Variants in GRIN2D observed in about 807,000 individuals in gnomAD.
GRIN2D encodes glutamate ionotropic receptor NMDA type subunit 2D.
A neutral mutation model predicts 103.2 loss-of-function variants in GRIN2D; 37 were observed. That is an observed-to-expected ratio of 0.36 (90% CI 0.28 to 0.47). The LOEUF (loss-of-function observed/expected upper bound fraction) is 0.47, where lower values mean the gene tolerates loss of function less well. Among genes scored for constraint, GRIN2D ranks in the 20% least tolerant of loss-of-function variants. The probability of loss-of-function intolerance (pLI) is 1.00; values close to 1 mark genes in which losing one functional copy is unlikely to be tolerated. For missense variants in GRIN2D, 1,557 were observed against 1,910.6 expected (o/e 0.81, Z 3.45); for synonymous variants, 845 against 885.6 (o/e 0.95, Z 0.81).
chr19:48,422,401 A>G (rs1971035799), intron 11 of GRIN2D, among the ~76,000 whole-genome samples: 1 of 152,162 alleles, frequency 6.6e-6, no homozygotes. Flanking sequence ...TCACAAGGTC[A>G]GGAGATCGAG....
Position 48,435,793 on chromosome 19 carries a change from C to G in GRIN2D, c.2253-5976C>G, listed in dbSNP as rs142482741. Among the ~76,000 whole-genome samples, 696 of 152,358 alleles carry G rather than the reference C, an allele frequency of 4.6e-3. 9 individuals are homozygous for G. The highest frequency in any genetic ancestry group is 0.016 in the African/African-American group (671 of 41,592). On this transcript the variant is annotated intron_variant, in intron 11 of 13. Transcript: ENST00000263269. Reference sequence around the variant, plus strand: ...CACCTAGTGTGTGCTAGGCACTGTTCTAGACCCTGTGGATACAGTGGTGAA... The same window carrying G: ...CACCTAGTGTGTGCTAGGCACTGTTGTAGACCCTGTGGATACAGTGGTGAA...
chr19:48,442,631 C>T lies in GRIN2D; in HGVS notation c.2705C>T (p.Ala902Val). ...GMYSCCSAEA[A>V]PPPAKPPPPP... is the part of the protein sequence containing the mutation. ...TACAGCTGCTGCAGCGCTGAGGCCGCCCCACCGCCCGCCAAGCCCCCGCCG... is the reference window on the plus strand; with the variant it reads ...TACAGCTGCTGCAGCGCTGAGGCCGTCCCACCGCCCGCCAAGCCCCCGCCG... The change falls in exon 14 of 14, where the codon GCC (alanine) becomes GTC (valine). Residue 902 changes from alanine to valine, a missense_variant. This residue lies in a region of GRIN2D where 632 missense variants were observed against 572.8 expected (regional missense o/e 1.10). Coordinates refer to ENST00000263269, the MANE Select transcript of GRIN2D (RefSeq NM_000836.4). The surrounding 1 kb of genome is among the most constrained non-coding windows in gnomAD (Gnocchi z 7.2). The T allele has an allele frequency of 2.7e-6, 4 of 1,494,510 alleles. No individual in the cohort carries two copies. The highest frequency in any genetic ancestry group is 3.6e-6 in the Non-Finnish European group (4 of 1,123,496). 92.6% of individuals were successfully genotyped at this position (1,494,510 alleles called of 1,614,324 possible). A position where few individuals can be genotyped will look rare whatever the true frequency, so the allele number is the denominator to read the frequency against.
rs771302827 is a variant in GRIN2D at position 48,405,186 on chromosome 19, A to G, written c.918A>G (p.Ala306=). 3 of 1,600,332 alleles carry G rather than the reference A, an allele frequency of 1.9e-6. No homozygotes were observed. Among genetic ancestry groups the G allele is most frequent in the African/African-American group, 1.3e-5 (1 of 74,882 alleles). The part of the protein sequence containing the change: ...GGAPLPAGLF[A]VRSAGWRDDL... Reference sequence around the variant, plus strand: ...CCCCCCTGCCTGCCGGGCTGTTTGCAGTGCGCTCGGCTGGCTGGCGGGATG... The same window carrying G: ...CCCCCCTGCCTGCCGGGCTGTTTGCGGTGCGCTCGGCTGGCTGGCGGGATG... The change falls in exon 4 of 14, where the codon GCA becomes GCG. Residue 306 remains alanine (A), a synonymous_variant. Transcript: ENST00000263269. This position sits in a 1 kb window ranked among gnomAD's most constrained non-coding sequence, Gnocchi z 5.1.
chr19:48,443,615 G>A lies in GRIN2D; in HGVS notation c.3689G>A (p.Arg1230Gln). 1 of 1,095,208 alleles carries A rather than the reference G, an allele frequency of 9.1e-7. No individual in the cohort carries two copies. Among genetic ancestry groups the A allele is most frequent in the Non-Finnish European group, 1.1e-6 (1 of 903,502 alleles). The allele number at this position is 1,095,208 out of a possible 1,614,324, so 67.8% of individuals were successfully genotyped here. A position where few individuals can be genotyped will look rare whatever the true frequency, so the allele number is the denominator to read the frequency against. ...CGCCGGGCCCGCTGCGGGTGCCCGC[G>A]GTCGCACCCGCACCGCCCGCGGGCC... ...PRRRARCGCP[R>Q]SHPHRPRASH... The change falls in exon 14 of 14, where the codon CGG becomes CAG. Residue 1230 changes from arginine (R) to glutamine (Q), a missense_variant. Around this residue, in one of 7 missense-constraint regions of GRIN2D, gnomAD observed 632 missense variants for 572.8 expected, o/e 1.10. Transcript: ENST00000263269. The surrounding 1 kb of genome is among the most constrained non-coding windows in gnomAD (Gnocchi z 8.9).
chr19:48,433,685 A>G (rs80038044), intron 11 of GRIN2D, among the ~76,000 whole-genome samples: 2 of 152,182 alleles, frequency 1.3e-5, no homozygotes, highest in Non-Finnish European at 2.9e-5. Context: ...CTCACTCAAG[A>G]GGGGCAAAAA....
At position 48,393,684 on chromosome 19, in the gene GRIN2D, T is replaced by C. The variant is rs1395591947; in HGVS notation, c.-490T>C. Among the ~76,000 whole-genome samples the C allele has an allele frequency of 1.3e-5, 2 of 151,966 alleles. No homozygotes were observed. The highest frequency in any genetic ancestry group is 2.9e-5 in the Non-Finnish European group (2 of 67,956). On this transcript the variant is annotated 5_prime_UTR_variant, in exon 1 of 14. Transcript: ENST00000263269. The surrounding 1 kb of genome is among the most constrained non-coding windows in gnomAD (Gnocchi z 5.6). The stretch of plus-strand genomic sequence containing the variant: ...GTTAATCGCATCCCGAGTGAGTGTG[T>C]GTGTGCGAGAACACAGCGAGTGTGT...
rs765539471 is a variant in GRIN2D at position 48,414,003 on chromosome 19, C to T, written c.1098C>T (p.Asn366=). The T allele has an allele frequency of 3.1e-6, 5 of 1,604,584 alleles. No homozygotes were observed. The highest frequency in any genetic ancestry group is 2.2e-5 in the East Asian group (1 of 44,830). ...RGESLHRYFM[N]ITWDNRDYSF... ...TCCTCCTGGGCAGGTACTTCATGAACATCACGTGGGATAACCGGGATTACT... is the reference window on the plus strand; with the variant it reads ...TCCTCCTGGGCAGGTACTTCATGAATATCACGTGGGATAACCGGGATTACT... The change falls in exon 5 of 14, where the codon AAC becomes AAT. Residue 366 remains asparagine (N), a synonymous_variant. Coordinates refer to ENST00000263269, the MANE Select transcript of GRIN2D (RefSeq NM_000836.4). The surrounding 1 kb of genome is among the most constrained non-coding windows in gnomAD (Gnocchi z 4.6).
rs867250042 is a variant in GRIN2D, at chr19:48,443,231, C to A, written c.3305C>A (p.Pro1102Gln). The A allele has an allele frequency of 6.9e-7, 1 of 1,449,086 alleles. No homozygotes were observed. The highest frequency in any genetic ancestry group is 9.1e-7 in the Non-Finnish European group (1 of 1,100,340). 89.8% of individuals were successfully genotyped at this position (1,449,086 alleles called of 1,614,324 possible). Residue 1102 changes from proline to glutamine, a missense_variant, in exon 14 of 14, where the codon CCG (proline) becomes CAG (glutamine). Pro to Gln is a moderately conservative substitution (Grantham distance 76). Coordinates refer to ENST00000263269, the MANE Select transcript of GRIN2D (RefSeq NM_000836.4). The surrounding 1 kb of genome is among the most constrained non-coding windows in gnomAD (Gnocchi z 8.9). ...CCCCCGTGCCGCGCCGCGCCGCCCC[C>A]GTGCCCTTACCTCGATCTCGAGCCG... ...APPPCRAAPP[P>Q]CPYLDLEPSP...
rs1971331458 is a variant in GRIN2D, at chr19:48,443,348, A to G, written c.3422A>G (p.Tyr1141Cys). The stretch of plus-strand genomic sequence containing the variant: ...TGGTTCGCCGACTTCCCTTACCCGT[A>G]TGCCGAGCGCCTCGGGCCGCCGCCC... ...PWWFADFPYP[Y>C]AERLGPPPGR... The change falls in exon 14 of 14, where the codon TAT (tyrosine) becomes TGT (cysteine). Residue 1141 changes from tyrosine to cysteine, a missense_variant. Tyr to Cys is a radical substitution (Grantham distance 194). Around this residue, in one of 7 missense-constraint regions of GRIN2D, gnomAD observed 632 missense variants for 572.8 expected, o/e 1.10. Coordinates refer to ENST00000263269, the MANE Select transcript of GRIN2D (RefSeq NM_000836.4). This position sits in a 1 kb window ranked among gnomAD's most constrained non-coding sequence, Gnocchi z 8.9. The G allele has an allele frequency of 6.6e-7, 1 of 1,516,956 alleles. No individual in the cohort carries two copies. Among genetic ancestry groups the G allele is most frequent in the South Asian group, 1.2e-5 (1 of 82,588 alleles). 94.0% of individuals were successfully genotyped at this position (1,516,956 alleles called of 1,614,324 possible).
intron 3 of GRIN2D, among the ~76,000 whole-genome samples, chr19:48,399,890 C>T (rs1323895587): frequency 7.6e-6 from 1 of 131,390 alleles, no homozygotes; most frequent in Non-Finnish European, 1.6e-5. Context: ...GGGGCGGGGC[C>T]AGCGAGGGGC....
chr19:48,398,391 C>T lies in GRIN2D; in HGVS notation c.-2C>T. ...GAGGCCGCCCGGCGGGGCCCGCAGG[C>T]GATGCGCGGCGCCGGTGGCCCCCGC... On this transcript the variant is annotated 5_prime_UTR_variant, in exon 3 of 14. Coordinates refer to ENST00000263269, the MANE Select transcript of GRIN2D (RefSeq NM_000836.4). 8.9e-7 allele frequency: 1 copy of T among 1,119,530 alleles called. No individual in the cohort carries two copies. Among genetic ancestry groups the T allele is most frequent in the Non-Finnish European group, 1.1e-6 (1 of 916,852 alleles). 69.3% of individuals were successfully genotyped at this position (1,119,530 alleles called of 1,614,324 possible).
intron 4 of GRIN2D, among the ~76,000 whole-genome samples, chr19:48,410,689 G>A (rs529395784): frequency 6.6e-5 from 10 of 152,160 alleles, no homozygotes; most frequent in African/African-American, 2.4e-4. Flanking sequence ...ATAGAAAGAC[G>A]CCTCTGGGAC....
chr19:48,407,343 T>C (rs1024911031), intron 4 of GRIN2D, among the ~76,000 whole-genome samples: 1 of 151,962 alleles, frequency 6.6e-6, no homozygotes, highest in African/African-American at 2.4e-5. Flanking sequence ...CTCTCTCTCT[T>C]TCTCTTTGTT....
intron 4 of GRIN2D, among the ~76,000 whole-genome samples, chr19:48,413,256 C>CT (rs1166432630): frequency 2.8e-5 from 4 of 145,070 alleles, no homozygotes; most frequent in African/African-American, 1.0e-4. Flanking sequence ...AGGTGGATCA[C>CT]TGAGGCTGAG....
chr19:48,414,807 A>T lies in GRIN2D; in HGVS notation c.1413-57A>T, dbSNP rs1004749207. 7 of 1,561,226 alleles carry T rather than the reference A, an allele frequency of 4.5e-6. No individual in the cohort carries two copies. The African/African-American group carries it at 9.5e-5, about 21-fold the overall frequency. ...ATCCCTTCCTCCATATCCTCTCTTC[A>T]TGAGAGAGTCTAAGGAGGGGGTCCC... On this transcript the variant is annotated intron_variant, in intron 6 of 13. Transcript: ENST00000263269. This position sits in a 1 kb window ranked among gnomAD's most constrained non-coding sequence, Gnocchi z 4.6.
In GRIN2D at chr19:48,405,315, C is replaced by G; in HGVS notation, c.1047C>G (p.Arg349=). ...GFLPELGHDC[R]AQNRTHRGES... is the part of the protein sequence containing the mutation. ...TTCCTGAGCTCGGCCACGACTGTCG[C>G]GCCCAGAACCGCACCCACCGCGGCG... The change falls in exon 4 of 14, where the codon CGC becomes CGG. Residue 349 remains arginine, a synonymous_variant. Coordinates refer to ENST00000263269, the MANE Select transcript of GRIN2D (RefSeq NM_000836.4). The surrounding 1 kb of genome is among the most constrained non-coding windows in gnomAD (Gnocchi z 5.1). 1 of 1,600,546 alleles carries G rather than the reference C, an allele frequency of 6.2e-7. No individual in the cohort carries two copies.
At chr19:48,410,946 A>G (rs1970851330) in intron 4 of GRIN2D, among the ~76,000 whole-genome samples, 1 of 152,128 alleles carries the variant, frequency 6.6e-6, no homozygotes, top group African/African-American at 2.4e-5. Flanking sequence ...GTGATGTTGC[A>G]TAGTGAAGAT....
rs1284567123 is a variant in GRIN2D at position 48,442,137 on chromosome 19, C to T, written c.2441-13C>T. On this transcript the variant is annotated splice_polypyrimidine_tract_variant and intron_variant, in intron 12 of 13. Coordinates refer to ENST00000263269, the MANE Select transcript of GRIN2D (RefSeq NM_000836.4). This position sits in a 1 kb window ranked among gnomAD's most constrained non-coding sequence, Gnocchi z 7.2. ...GTACTCATAGCAGGTGACTTTTGAC[C>T]GCCCCTCCCTAGATGAGATCGAGAT... The T allele has an allele frequency of 1.2e-6, 2 of 1,611,804 alleles. No homozygotes were observed. Among genetic ancestry groups the T allele is most frequent in the South Asian group, 1.1e-5 (1 of 91,056 alleles).
rs377464612 is a variant in GRIN2D at position 48,405,325 on chromosome 19, C to A, written c.1057C>A (p.Arg353Ser). ...ELGHDCRAQN[R>S]THRGESLHRY... ...CGGCCACGACTGTCGCGCCCAGAAC[C>A]GCACCCACCGCGGCGAGAGTCTGCA... Residue 353 changes from arginine (R) to serine (S), a missense_variant, in exon 4 of 14, where the codon CGC becomes AGC. Physicochemically the swap from Arg to Ser is moderately radical, Grantham distance 110. Transcript: ENST00000263269. This position sits in a 1 kb window ranked among gnomAD's most constrained non-coding sequence, Gnocchi z 5.1. 2 of 1,594,302 alleles carry A rather than the reference C, an allele frequency of 1.3e-6. No individual in the cohort carries two copies. Among genetic ancestry groups the A allele is most frequent in the South Asian group, 1.1e-5 (1 of 89,454 alleles).
Sources: allele counts gnomAD v4.1 joint callset (sites outside exome capture counted in the v4.1 genomes callset), GRCh38; gene constraint gnomAD v4.1.1; regional missense constraint gnomAD v4.1.1; non-coding constraint Gnocchi (gnomAD v3.1); transcripts MANE v1.5; gene names NCBI Gene and HGNC (gene_info 2026-07-23, HGNC 2026-07-21).